The following USO1 variants were observed in gnomAD, a reference collection of about 807,000 sequenced individuals.
The protein encoded by USO1 is USO1 vesicle transport factor, also known as general vesicular transport factor p115.
USO1 carries 57 observed loss-of-function variants against 124.5 expected under a neutral mutation model. The observed-to-expected ratio is 0.46, with a 90% confidence interval of 0.37 to 0.57. USO1 has a LOEUF of 0.57. Ranked by LOEUF, USO1 falls within the 20% of genes least tolerant of loss-of-function variation. The pLI, the probability that USO1 is intolerant of heterozygous loss-of-function variation, is 0.00. For missense variants in USO1, 900 were observed against 1,040.6 expected, an observed-to-expected ratio of 0.86 and a Z score of 1.86; for synonymous variants, 369 against 362.8, an observed-to-expected ratio of 1.02 and a Z score of -0.19.
At chr4:75,726,775 C>T (rs966975419) in intron 1 of USO1, among the ~76,000 whole-genome samples, 2 of 152,176 alleles carry the variant, frequency 1.3e-5, no homozygotes, top group African/African-American at 4.8e-5. Flanking sequence ...TCTAGATTAC[C>T]AGAGTCATAC....
intron 12 of USO1, 88 bp downstream of exon 12, chr4:75,790,885 C>G (rs1722509624): frequency 2.2e-6 from 3 of 1,345,916 alleles, no homozygotes; most frequent in Non-Finnish European, 9.7e-7. Context: ...ATGCTTTAGC[C>G]TAAAATACTT....
intron 1 of USO1, among the ~76,000 whole-genome samples, chr4:75,731,206 T>A (rs1577921119): frequency 6.6e-6 from 1 of 152,222 alleles, no homozygotes; most frequent in East Asian, 1.9e-4. Flanking sequence ...TTAGGTCATA[T>A]GAAGATAAGA....
chr4:75,771,122 A>G lies in USO1; in HGVS notation c.540A>G (p.Glu180=). ...TGGACTTACTAGCGGATTCCAGGGA[A>G]GTTATACGTAATGATGTAAGTTAAA... is the stretch of plus-strand genomic sequence containing the variant. ...RLMDLLADSR[E]VIRNDGVLLL... Residue 180 remains glutamate, a synonymous_variant, in exon 7 of 24, where the codon GAA becomes GAG. Transcript: ENST00000514213. The G allele has an allele frequency of 6.2e-7, 1 of 1,610,874 alleles. No individual in the cohort carries two copies. The highest frequency in any genetic ancestry group is 1.7e-4 in the Middle Eastern group (1 of 6,046).
Position 75,748,953 on chromosome 4 carries a change from T to A in USO1, c.67-3420T>A, listed in dbSNP as rs1020732472. Among the ~76,000 whole-genome samples, 696 of 147,354 alleles carry A rather than the reference T, an allele frequency of 4.7e-3. 4 individuals carry two copies. Among genetic ancestry groups the A allele is most frequent in the South Asian group, 0.016 (74 of 4,636 alleles). Reference sequence around the variant, plus strand: ...TAGTTTTTCTAAGTAGTAAAAAAAATATATATATACATATATGTGTATATA... The same window carrying A: ...TAGTTTTTCTAAGTAGTAAAAAAAAAATATATATACATATATGTGTATATA... On this transcript the variant is annotated intron_variant, in intron 1 of 23. Coordinates refer to ENST00000514213, the MANE Select transcript of USO1 (RefSeq NM_003715.4).
At chr4:75,748,854 T>G (rs11730896) in intron 1 of USO1, among the ~76,000 whole-genome samples, 1 of 151,926 alleles carries the variant, frequency 6.6e-6, no homozygotes, top group Non-Finnish European at 1.5e-5. Context: ...AGTCTTGCTT[T>G]GGAAAACTAT....
intron 9 of USO1, among the ~76,000 whole-genome samples, chr4:75,783,145 A>G (rs916682079): frequency 6.6e-6 from 1 of 152,196 alleles, no homozygotes; most frequent in East Asian, 1.9e-4. Context: ...TGGGTTTTAC[A>G]TTAAGGAATA....
At chr4:75,757,414 A>T in intron 3 of USO1, 83 bp from the exon 4 acceptor site, 1 of 1,275,764 alleles carries the variant, frequency 7.8e-7, no homozygotes, top group East Asian at 3.5e-5. Flanking sequence ...GGAATTTTCT[A>T]AAATTGCTAA....
intron 20 of USO1, among the ~76,000 whole-genome samples, chr4:75,807,088 CTT>C (rs1267037299): frequency 6.6e-6 from 1 of 151,942 alleles, no homozygotes; most frequent in African/African-American, 2.4e-5. Context: ...GCAAGTTAAA[CTT>C]TTTTCTACTT....
chr4:75,794,717 T>G (rs1722632007), intron 13 of USO1, among the ~76,000 whole-genome samples: 1 of 152,240 alleles, frequency 6.6e-6, no homozygotes, highest in Non-Finnish European at 1.5e-5. Context: ...GTGTCCTTCT[T>G]TAGTTTTAAT....
chr4:75,746,161 A>T (rs1477468988), intron 1 of USO1, among the ~76,000 whole-genome samples: 2 of 152,138 alleles, frequency 1.3e-5, no homozygotes, highest in Admixed American at 6.6e-5. Flanking sequence ...TGTTAAAGGC[A>T]CCTAATAACC....
chr4:75,751,936 G>A (rs1221421748), intron 1 of USO1, among the ~76,000 whole-genome samples: 1 of 151,550 alleles, frequency 6.6e-6, no homozygotes, highest in Admixed American at 6.6e-5. Context: ...ATAAAGTTTT[G>A]ACTTCTTCTT....
rs149463537 is a variant in USO1 at position 75,785,413 on chromosome 4, C to G, written c.856-1649C>G. 3.0e-3 allele frequency among the ~76,000 whole-genome samples: 459 copies of G among 152,112 alleles called. 4 individuals are homozygous for G. Among genetic ancestry groups the G allele is most frequent in the African/African-American group, 0.011 (447 of 41,516 alleles). On this transcript the variant is annotated intron_variant, in intron 9 of 23. Transcript: ENST00000514213. The stretch of plus-strand genomic sequence containing the variant: ...CTACTTTTTATCCCTGCAGGAGTCT[C>G]TTCTATGGCATTTTATTGGGAAGAT...
chr4:75,802,214 AAATT>A (rs1316101621), intron 17 of USO1, among the ~76,000 whole-genome samples: 1 of 152,208 alleles, frequency 6.6e-6, no homozygotes, highest in Admixed American at 6.5e-5. Context: ...ATCAATCAAT[AAATT>A]ATAATCTTAG....
At chr4:75,725,073 C>A in intron 1 of USO1, 188 bp downstream of exon 1, 1 of 655,604 alleles carries the variant, frequency 1.5e-6, no homozygotes, top group East Asian at 3.0e-5. Flanking sequence ...AGCTCAGTCC[C>A]CATTGCTGCC....
chr4:75,800,988 T>C (rs1722834311), intron 16 of USO1, 91 bp from the exon 17 acceptor site: 2 of 1,373,362 alleles, frequency 1.5e-6, no homozygotes, highest in East Asian at 2.5e-5. Context: ...TTACCTATCA[T>C]GGAGTTAGGT....
chr4:75,790,341 T>A, intron 11 of USO1, 103 bp downstream of exon 11: 1 of 1,409,358 alleles, frequency 7.1e-7, no homozygotes. Flanking sequence ...AGTTTAGTTG[T>A]ATGTTTTGGA....
At chr4:75,805,396 A>ATTTTT in intron 19 of USO1, 93 bp downstream of exon 19, 1 of 1,430,578 alleles carries the variant, frequency 7.0e-7, no homozygotes, top group Non-Finnish European at 9.2e-7. Context: ...CTTAAGCCAG[A>ATTTTT]ATATCATATG....
rs1306020657 is a variant in USO1 at position 75,813,926 on chromosome 4, G to A, written c.*631G>A. On this transcript the variant is annotated 3_prime_UTR_variant, in exon 24 of 24. Coordinates refer to ENST00000514213, the MANE Select transcript of USO1 (RefSeq NM_003715.4). ...CACACAGTGATGTGGAGGGCATTCC[G>A]GAGAAACTTTTGCAACAGTGTATTA... 3.3e-5 allele frequency: 5 copies of A among 152,156 alleles called. No individual in the cohort carries two copies. Among genetic ancestry groups the A allele is most frequent in the South Asian group, 2.1e-4 (1 of 4,830 alleles). 9.4% of individuals were successfully genotyped at this position (152,156 alleles called of 1,614,324 possible).
chr4:75,804,814 T>G (rs953594947), intron 18 of USO1, among the ~76,000 whole-genome samples: 7 of 152,242 alleles, frequency 4.6e-5, no homozygotes, highest in Admixed American at 4.6e-4. Flanking sequence ...AGTATTATCC[T>G]ACGGTGCTTG....
Sources: allele counts gnomAD v4.1 joint callset (sites outside exome capture counted in the v4.1 genomes callset), GRCh38; gene constraint gnomAD v4.1.1; transcripts MANE v1.5; gene names NCBI Gene and HGNC (gene_info 2026-07-23, HGNC 2026-07-21).